Variants in KIAA1958 observed in about 807,000 individuals in gnomAD.
KIAA1958 encodes the protein uncharacterized protein KIAA1958.
KIAA1958 carries 14 observed loss-of-function variants against 47.2 expected under a neutral mutation model. The observed-to-expected ratio is 0.30, with a 90% confidence interval of 0.20 to 0.46. The LOEUF is 0.46. Among genes scored for constraint, KIAA1958 ranks in the 20% least tolerant of loss-of-function variants. The probability of loss-of-function intolerance (pLI) is 1.00; values close to 1 mark genes in which losing one functional copy is unlikely to be tolerated. For missense variants in KIAA1958, 803 were observed against 909.2 expected (o/e 0.88, Z 1.50); for synonymous variants, 354 against 353.3 (o/e 1.00, Z -0.02).
intron 2 of KIAA1958, among the ~76,000 whole-genome samples, chr9:112,605,627 C>T (rs1427769768): frequency 6.6e-6 from 1 of 152,198 alleles, no homozygotes; most frequent in African/African-American, 2.4e-5. Context: ...CAAGGCCCTG[C>T]ATGACCTGGC....
intron 1 of KIAA1958, among the ~76,000 whole-genome samples, chr9:112,551,260 A>G (rs1351242336): frequency 6.6e-6 from 1 of 152,172 alleles, no homozygotes; most frequent in African/African-American, 2.4e-5. Context: ...GTTATTAAAA[A>G]ATAGCTCCCC....
chr9:112,609,277 ACT>A lies in KIAA1958; in HGVS notation c.1171+34029_1171+34030del, dbSNP rs1836284629. Among the ~76,000 whole-genome samples the A allele has an allele frequency of 6.6e-5, 10 of 152,290 alleles. No individual in the cohort carries two copies. The South Asian group carries it at 1.9e-3, about 28-fold the overall frequency. ...ATATGCGTTTCTGAAAACAGTTGAC[ACT>A]CTAAAAAACAATGGAGCTATAGGGC... On this transcript the variant is annotated intron_variant, in intron 2 of 3. Coordinates refer to ENST00000337530, the MANE Select transcript of KIAA1958 (RefSeq NM_133465.4).
chr9:112,550,265 A>G (rs1835119142), intron 1 of KIAA1958, among the ~76,000 whole-genome samples: 1 of 150,870 alleles, frequency 6.6e-6, no homozygotes, highest in South Asian at 2.1e-4. Flanking sequence ...GTAAAGCACT[A>G]TGGCTGAGAA....
intron 2 of KIAA1958, among the ~76,000 whole-genome samples, chr9:112,612,107 G>A (rs1344910747): frequency 6.6e-6 from 1 of 151,960 alleles, no homozygotes; most frequent in Non-Finnish European, 1.5e-5. Flanking sequence ...GTAAATAGTA[G>A]ATATTAAGAA....
intron 1 of KIAA1958, among the ~76,000 whole-genome samples, chr9:112,509,200 C>CTTTTTT (rs67222850): frequency 1.8e-5 from 2 of 113,150 alleles, no homozygotes; most frequent in Non-Finnish European, 3.6e-5. Context: ...CAGGCCCATT[C>CTTTTTT]TTTTTTTTTT....
intron 1 of KIAA1958, among the ~76,000 whole-genome samples, chr9:112,489,784 A>C (rs1389637287): frequency 1.3e-5 from 2 of 152,236 alleles, no homozygotes; most frequent in Admixed American, 1.3e-4. Flanking sequence ...GTCCACAGTT[A>C]AATTTGATAG....
intron 2 of KIAA1958, among the ~76,000 whole-genome samples, chr9:112,585,103 T>C (rs1486956879): frequency 1.3e-5 from 2 of 152,222 alleles, no homozygotes; most frequent in Non-Finnish European, 2.9e-5. Context: ...TTAGTCTTTT[T>C]TCTATTAAGT....
At position 112,618,286 on chromosome 9, in the gene KIAA1958, G is replaced by A; in HGVS notation, c.1172-27364G>A. The stretch of plus-strand genomic sequence containing the variant: ...CCTTTGCTGACGAGCTCATCCTGCG[G>A]AAAAGGGGACTGCTAAGCCGATATA... On this transcript the variant is annotated intron_variant, in intron 2 of 3. Transcript: ENST00000337530. This position sits in a 1 kb window ranked among gnomAD's most constrained non-coding sequence, Gnocchi z 7.1. 1 of 1,551,022 alleles carries A rather than the reference G, an allele frequency of 6.4e-7. No individual in the cohort carries two copies. The highest frequency in any genetic ancestry group is 8.7e-7 in the Non-Finnish European group (1 of 1,147,070).
chr9:112,503,182 A>G (rs1007478841), intron 1 of KIAA1958, among the ~76,000 whole-genome samples: 1 of 152,226 alleles, frequency 6.6e-6, no homozygotes, highest in Admixed American at 6.5e-5. Context: ...AGGTCTTGAC[A>G]TTTTAGATTA....
chr9:112,626,662 GTTTA>G (rs1021195318), intron 2 of KIAA1958, among the ~76,000 whole-genome samples: 24 of 151,814 alleles, frequency 1.6e-4, no homozygotes, highest in Admixed American at 2.6e-4. Context: ...ATTTATAATT[GTTTA>G]TTTATATTGG....
At chr9:112,546,061 G>C (rs1835027137) in intron 1 of KIAA1958, among the ~76,000 whole-genome samples, 1 of 151,990 alleles carries the variant, frequency 6.6e-6, no homozygotes, top group East Asian at 1.9e-4. Flanking sequence ...TGATGACCTA[G>C]AAATGAGATA....
chr9:112,661,983 C>T lies in KIAA1958; in HGVS notation c.*1914C>T, dbSNP rs1412243692. 2.0e-5 allele frequency: 3 copies of T among 152,166 alleles called. No homozygotes were observed. The highest frequency in any genetic ancestry group is 1.9e-4 in the East Asian group (1 of 5,196). The allele number at this position is 152,166 out of a possible 1,614,324, so 9.4% of individuals were successfully genotyped here. The stretch of plus-strand genomic sequence containing the variant: ...GTGAACTATTGGGCAAAGCCTGCAG[C>T]CTAATTAATTAAAACCTCCATTTTT... On this transcript the variant is annotated 3_prime_UTR_variant, in exon 4 of 4. Coordinates refer to ENST00000337530, the MANE Select transcript of KIAA1958 (RefSeq NM_133465.4).
At chr9:112,487,946 C>CGTGTGTGTGTGTGTGT (rs57108785) in intron 1 of KIAA1958, among the ~76,000 whole-genome samples, 12 of 145,842 alleles carry the variant, frequency 8.2e-5, no homozygotes, top group Admixed American at 2.1e-4. Context: ...AGTGTGTGTG[C>CGTGTGTGTGTGTGTGT]GTGTGTGTGT....
intron 2 of KIAA1958, among the ~76,000 whole-genome samples, chr9:112,594,775 C>T (rs187635934): frequency 2.0e-5 from 3 of 152,248 alleles, no homozygotes; most frequent in Admixed American, 6.5e-5. Context: ...CGTATGCTAA[C>T]GATTTTAACT....
At position 112,574,454 on chromosome 9, in the gene KIAA1958, G is replaced by T. The variant is rs961027834; in HGVS notation, c.374G>T (p.Cys125Phe). The part of the protein sequence containing the change: ...RTRDSCDFSY[C>F]SEPSELDETV... ...AGAGACTCTTGTGACTTCTCCTACT[G>T]TAGTGAGCCCTCTGAACTGGATGAA... The change falls in exon 2 of 4, where the codon TGT becomes TTT. Residue 125 changes from cysteine (C) to phenylalanine (F), a missense_variant. By Grantham distance (205) the Cys-to-Phe change is radical. Around this residue, in one of 2 missense-constraint regions of KIAA1958, gnomAD observed 761 missense variants for 829.3 expected, o/e 0.92. Transcript: ENST00000337530. 4 of 1,614,176 alleles carry T rather than the reference G, an allele frequency of 2.5e-6. No homozygotes were observed. The highest frequency in any genetic ancestry group is 3.4e-6 in the Non-Finnish European group (4 of 1,180,008).
intron 1 of KIAA1958, among the ~76,000 whole-genome samples, chr9:112,573,821 A>G (rs1012969269): frequency 6.6e-6 from 1 of 152,192 alleles, no homozygotes; most frequent in Non-Finnish European, 1.5e-5. Context: ...TTATAACAAT[A>G]AAGAAAAGTA....
intron 2 of KIAA1958, among the ~76,000 whole-genome samples, chr9:112,643,256 C>T (rs1836923399): frequency 6.6e-6 from 1 of 152,174 alleles, no homozygotes; most frequent in Non-Finnish European, 1.5e-5. Flanking sequence ...GGCTCTTCCA[C>T]TTATTAACTC....
intron 2 of KIAA1958, among the ~76,000 whole-genome samples, chr9:112,613,221 T>C (rs1425156293): frequency 6.6e-6 from 1 of 152,198 alleles, no homozygotes; most frequent in Non-Finnish European, 1.5e-5. Flanking sequence ...TATTGACTGT[T>C]CAAATTGTAT....
intron 2 of KIAA1958, among the ~76,000 whole-genome samples, chr9:112,628,559 A>C (rs1356984002): frequency 6.6e-6 from 1 of 152,214 alleles, no homozygotes; most frequent in Non-Finnish European, 1.5e-5. Context: ...CCTACATCAG[A>C]GGTTTTCAGG....
Sources: allele counts gnomAD v4.1 joint callset (sites outside exome capture counted in the v4.1 genomes callset), GRCh38; gene constraint gnomAD v4.1.1; regional missense constraint gnomAD v4.1.1; non-coding constraint Gnocchi (gnomAD v3.1); transcripts MANE v1.5; gene names NCBI Gene and HGNC (gene_info 2026-07-23, HGNC 2026-07-21).